The following ZDHHC14 variants were observed in gnomAD, a reference collection of about 807,000 sequenced individuals.
ZDHHC14 encodes the protein palmitoyltransferase ZDHHC14.
In ZDHHC14, 16 loss-of-function variants were observed where a neutral mutation model predicts 47.7. That is an observed-to-expected ratio of 0.34 (90% CI 0.23 to 0.51). The LOEUF is 0.51. ZDHHC14 is among the 20% of genes least tolerant of loss of function. The pLI, the probability that ZDHHC14 is intolerant of heterozygous loss-of-function variation, is 0.97. For missense variants in ZDHHC14, 515 were observed against 662.5 expected (o/e 0.78, Z 2.44); for synonymous variants, 293 against 278.9 (o/e 1.05, Z -0.50).
At chr6:157,602,489 CAAAAAAAA>C (rs552594669) in intron 3 of ZDHHC14, among the ~76,000 whole-genome samples, 10 of 60,612 alleles carry the variant, frequency 1.6e-4, no homozygotes, top group Middle Eastern at 0.011. Flanking sequence ...GACTCCGTTT[CAAAAAAAA>C]AAAAAAAAAA....
At chr6:157,400,542 C>G (rs1303960005) in intron 1 of ZDHHC14, among the ~76,000 whole-genome samples, 3 of 152,202 alleles carry the variant, frequency 2.0e-5, no homozygotes, top group African/African-American at 7.2e-5. Context: ...CTATTCTACT[C>G]TATTGTTTAT....
At chr6:157,507,386 C>A (rs926469936) in intron 1 of ZDHHC14, among the ~76,000 whole-genome samples, 2 of 151,368 alleles carry the variant, frequency 1.3e-5, no homozygotes, top group Admixed American at 1.3e-4. Context: ...CAGGTTCAAG[C>A]AATTCTCATG....
intron 2 of ZDHHC14, among the ~76,000 whole-genome samples, chr6:157,547,161 G>C (rs1782005453): frequency 6.6e-6 from 1 of 152,218 alleles, no homozygotes; most frequent in Admixed American, 6.5e-5. Context: ...AGGCAGAGTA[G>C]ATGCACCCGT....
At chr6:157,451,607 C>T (rs905577714) in intron 1 of ZDHHC14, among the ~76,000 whole-genome samples, 1 of 152,188 alleles carries the variant, frequency 6.6e-6, no homozygotes, top group Admixed American at 6.5e-5. Context: ...GTCACCCAGG[C>T]TGGAGGGCAG....
chr6:157,593,313 T>A (rs889298641), intron 3 of ZDHHC14, among the ~76,000 whole-genome samples, 167 bp downstream of exon 3: 1 of 152,194 alleles, frequency 6.6e-6, no homozygotes, highest in African/African-American at 2.4e-5. Flanking sequence ...ATATCTTTTT[T>A]ATTCTCTTTA....
intron 2 of ZDHHC14, among the ~76,000 whole-genome samples, chr6:157,591,974 C>G (rs1461182225): frequency 6.6e-6 from 1 of 152,132 alleles, no homozygotes; most frequent in Non-Finnish European, 1.5e-5. Context: ...TCTTCTCCAT[C>G]CACCCTGCCC....
intron 3 of ZDHHC14, among the ~76,000 whole-genome samples, chr6:157,600,385 A>G (rs1784295387): frequency 6.6e-6 from 1 of 152,162 alleles, no homozygotes; most frequent in South Asian, 2.1e-4. Context: ...TGTGATCATG[A>G]TAATAGATAA....
At chr6:157,594,661 G>C (rs1053581774) in intron 3 of ZDHHC14, among the ~76,000 whole-genome samples, 1 of 152,154 alleles carries the variant, frequency 6.6e-6, no homozygotes, top group African/African-American at 2.4e-5. Context: ...TTGACCTTCC[G>C]TAGATGCAGT....
intron 3 of ZDHHC14, among the ~76,000 whole-genome samples, chr6:157,614,053 C>T (rs892224609): frequency 3.3e-5 from 5 of 152,336 alleles, no homozygotes; most frequent in Admixed American, 2.0e-4. Flanking sequence ...CAGCCTCGCC[C>T]AGGCTAGAAA....
Position 157,391,370 on chromosome 6 carries a change from G to T in ZDHHC14, c.245+9104G>T, listed in dbSNP as rs143734763. Among the ~76,000 whole-genome samples, 126 of 152,246 alleles carry T rather than the reference G, an allele frequency of 8.3e-4. 1 individual carries two copies. The East Asian group carries it at 0.021, about 26-fold the overall frequency. ...GGCTACTGCAGTGGTCCGAGTGAAG[G>T]CCTGGAGTACCTCAGAATGACTTTC... On this transcript the variant is annotated intron_variant, in intron 1 of 8. Transcript: ENST00000359775.
intron 2 of ZDHHC14, among the ~76,000 whole-genome samples, chr6:157,578,054 T>G (rs2114868308): frequency 6.6e-6 from 1 of 152,330 alleles, no homozygotes; most frequent in African/African-American, 2.4e-5. Context: ...TTTTTTTTTC[T>G]TGTAAATTCA....
chr6:157,640,425 G>A (rs2114972509), intron 5 of ZDHHC14, among the ~76,000 whole-genome samples: 1 of 152,274 alleles, frequency 6.6e-6, no homozygotes, highest in South Asian at 2.1e-4. Context: ...TTTTCTAGGA[G>A]GCTCCAGGTT....
In ZDHHC14 at chr6:157,406,944, G is replaced by C. The variant is rs1439503542; in HGVS notation, c.245+24678G>C. ...AAGGGGGATAGAGTCTTGCTTGTCA[G>C]GCTCCAGCTACGAGGCATTAAGACA... On this transcript the variant is annotated intron_variant, in intron 1 of 8. Transcript: ENST00000359775. Among the ~76,000 whole-genome samples, 7 of 152,172 alleles carry C rather than the reference G, an allele frequency of 4.6e-5. No homozygotes were observed. The East Asian group carries it at 1.3e-3, about 29-fold the overall frequency.
chr6:157,394,374 G>A lies in ZDHHC14; in HGVS notation c.245+12108G>A, dbSNP rs374237204. Among the ~76,000 whole-genome samples the A allele has an allele frequency of 2.0e-4, 30 of 152,356 alleles. No homozygotes were observed. In the East Asian group the frequency reaches 5.2e-3, roughly 26 times the overall value. On this transcript the variant is annotated intron_variant, in intron 1 of 8. Coordinates refer to ENST00000359775, the MANE Select transcript of ZDHHC14 (RefSeq NM_024630.3). Reference sequence around the variant, plus strand: ...GACAGAATGTGTCAGAAATGATGCTGTGTGATTTCCAAGGTGAGGTTAGAA... The same window carrying A: ...GACAGAATGTGTCAGAAATGATGCTATGTGATTTCCAAGGTGAGGTTAGAA...
chr6:157,512,110 G>A (rs868205891), intron 1 of ZDHHC14, among the ~76,000 whole-genome samples: 33 of 152,246 alleles, frequency 2.2e-4, no homozygotes, highest in South Asian at 2.1e-4. Context: ...AATTCTTGCA[G>A]TTCCCTCCTG....
chr6:157,596,973 C>T (rs1199061761), intron 3 of ZDHHC14, among the ~76,000 whole-genome samples: 3 of 152,096 alleles, frequency 2.0e-5, no homozygotes, highest in Non-Finnish European at 2.9e-5. Flanking sequence ...CCGTGATCGA[C>T]GTGAATGTAT....
rs1484967078 is a variant in ZDHHC14, at chr6:157,675,331, G to C, written c.*2209G>C. 6.6e-6 allele frequency: 1 copy of C among 152,176 alleles called. No homozygotes were observed. The highest frequency in any genetic ancestry group is 1.5e-5 in the Non-Finnish European group (1 of 68,042). The allele number at this position is 152,176 out of a possible 1,614,324, so 9.4% of individuals were successfully genotyped here. A position where few individuals can be genotyped will look rare whatever the true frequency, so the allele number is the denominator to read the frequency against. The stretch of plus-strand genomic sequence containing the variant: ...GACCAGCCCTTCTTCCCACCTCACT[G>C]TGAAAAATTCCCAGAAGCCAGGATC... On this transcript the variant is annotated 3_prime_UTR_variant, in exon 9 of 9. Coordinates refer to ENST00000359775, the MANE Select transcript of ZDHHC14 (RefSeq NM_024630.3).
rs960899458 is a variant in ZDHHC14, at chr6:157,393,388, C to T, written c.245+11122C>T. 5.3e-5 allele frequency among the ~76,000 whole-genome samples: 8 copies of T among 152,224 alleles called. No homozygotes were observed. In the East Asian group the frequency reaches 1.2e-3, roughly 22 times the overall value. ...ACTTGCCCTGAGATAATCTTATCAG[C>T]GGAGGAATGGCGATCTAACCCACTT... On this transcript the variant is annotated intron_variant, in intron 1 of 8. Transcript: ENST00000359775.
intron 3 of ZDHHC14, among the ~76,000 whole-genome samples, chr6:157,595,699 C>G (rs1170333727): frequency 1.3e-5 from 2 of 152,162 alleles, no homozygotes; most frequent in African/African-American, 4.8e-5. Context: ...GTGCCTTTCC[C>G]CAGTGACGGT....
Sources: allele counts gnomAD v4.1 joint callset (sites outside exome capture counted in the v4.1 genomes callset), GRCh38; gene constraint gnomAD v4.1.1; transcripts MANE v1.5; gene names NCBI Gene and HGNC (gene_info 2026-07-23, HGNC 2026-07-21).